Variants in DACH1 observed in about 807,000 individuals in gnomAD.
DACH1 encodes the protein dachshund homolog 1.
Under a neutral mutation model 54.2 loss-of-function variants are expected in DACH1, and 12 were observed. The observed-to-expected ratio is 0.22, with a 90% CI of 0.14 to 0.36. The LOEUF is 0.36. Ranked by LOEUF, DACH1 falls within the 10% of genes least tolerant of loss-of-function variation. The pLI is 1.00. For synonymous variants in DACH1, 386 were observed against 366.2 expected (o/e 1.05, Z -0.62); for missense variants, 805 against 929.8 (o/e 0.87, Z 1.75).
At chr13:71,553,584 GTATTTTTA>G (rs1437172063) in intron 6 of DACH1, among the ~76,000 whole-genome samples, 1 of 142,986 alleles carries the variant, frequency 7.0e-6, no homozygotes, top group Non-Finnish European at 1.5e-5. Context: ...TTTGCATTTT[GTATTTTTA>G]TATTTTTGTA....
intron 1 of DACH1, among the ~76,000 whole-genome samples, chr13:71,839,034 G>A (rs547072673): frequency 6.6e-6 from 1 of 152,002 alleles, no homozygotes; most frequent in Non-Finnish European, 1.5e-5. Context: ...GTATTTCTTC[G>A]AGTCACAATC....
At chr13:71,780,184 A>C (rs748956742) in intron 1 of DACH1, among the ~76,000 whole-genome samples, 12 of 152,168 alleles carry the variant, frequency 7.9e-5, no homozygotes, top group Non-Finnish European at 1.5e-4. Context: ...AGAACGGGAG[A>C]GGCTTCCAGA....
rs532876711 is a variant in DACH1 at position 71,781,572 on chromosome 13, G to T, written c.848+84350C>A. ...TTTTTCTATTTTTAGTAGAGACGGGGTTTCACCGTGTTAGCCAGGATGGTC... is the reference window on the plus strand; with the variant it reads ...TTTTTCTATTTTTAGTAGAGACGGGTTTTCACCGTGTTAGCCAGGATGGTC... On this transcript the variant is annotated intron_variant, in intron 1 of 10. Transcript: ENST00000613252. Among the ~76,000 whole-genome samples, 54 of 151,918 alleles carry T rather than the reference G, an allele frequency of 3.6e-4. 1 individual carries two copies. In the East Asian group the frequency reaches 0.01, roughly 29 times the overall value.
intron 2 of DACH1, among the ~76,000 whole-genome samples, chr13:71,655,043 C>A (rs978827331): frequency 2.6e-5 from 4 of 152,190 alleles, no homozygotes; most frequent in African/African-American, 4.8e-5. Context: ...CAGAGAAAAG[C>A]TGAAGATGTA....
At chr13:71,836,395 C>T (rs556887197) in intron 1 of DACH1, among the ~76,000 whole-genome samples, 88 of 152,070 alleles carry the variant, frequency 5.8e-4, no homozygotes, top group African/African-American at 1.1e-3. Context: ...CACTTTTAGA[C>T]GAGTAAGCTA....
chr13:71,599,037 G>T (rs536087007), intron 3 of DACH1, among the ~76,000 whole-genome samples: 1 of 152,014 alleles, frequency 6.6e-6, no homozygotes, highest in Admixed American at 6.6e-5. Flanking sequence ...TAAGGGTATA[G>T]CTCTAAACAT....
chr13:71,621,748 G>T (rs1457014964), intron 3 of DACH1, among the ~76,000 whole-genome samples: 1 of 152,050 alleles, frequency 6.6e-6, no homozygotes, highest in East Asian at 1.9e-4. Flanking sequence ...GGCATGGTCT[G>T]CGAGGCACTG....
intron 1 of DACH1, among the ~76,000 whole-genome samples, chr13:71,772,740 A>G (rs180726859): frequency 1.3e-5 from 2 of 151,874 alleles, no homozygotes; most frequent in African/African-American, 4.8e-5. Context: ...TTTGTCTAGT[A>G]TTTCCATGAA....
chr13:71,589,198 T>C (rs1253027302), intron 3 of DACH1, among the ~76,000 whole-genome samples: 1 of 151,986 alleles, frequency 6.6e-6, no homozygotes, highest in Non-Finnish European at 1.5e-5. Context: ...TCTGCAAACA[T>C]AACTGCCATT....
rs117943588 is a variant in DACH1, at chr13:71,454,134, T to C, written c.2084-13442A>G. ...AATCAATAGAATGTTTGCCCTGAAA[T>C]GAAGCCTGGAGAAAGCAGTTAATCA... On this transcript the variant is annotated intron_variant, in intron 10 of 10. Transcript: ENST00000613252. 4.5e-3 allele frequency among the ~76,000 whole-genome samples: 685 copies of C among 152,282 alleles called. 4 individuals carry two copies. The highest frequency in any genetic ancestry group is 7.7e-3 in the Non-Finnish European group (522 of 68,010).
At chr13:71,790,905 G>T (rs1196759591) in intron 1 of DACH1, among the ~76,000 whole-genome samples, 1 of 152,132 alleles carries the variant, frequency 6.6e-6, no homozygotes, top group Non-Finnish European at 1.5e-5. Context: ...AGTTCATAGA[G>T]CCCCCCGGTA....
At chr13:71,571,957 G>T (rs571950221) in intron 4 of DACH1, among the ~76,000 whole-genome samples, 1 of 152,000 alleles carries the variant, frequency 6.6e-6, no homozygotes, top group African/African-American at 2.4e-5. Context: ...GGATGGTCTC[G>T]ATCTTCTGAC....
At chr13:71,862,694 C>G (rs1301647556) in intron 1 of DACH1, among the ~76,000 whole-genome samples, 1 of 151,874 alleles carries the variant, frequency 6.6e-6, no homozygotes, top group East Asian at 1.9e-4. Flanking sequence ...TAGCCCTAAG[C>G]AAATTAAAAC....
intron 3 of DACH1, among the ~76,000 whole-genome samples, chr13:71,593,152 T>C (rs1459297145): frequency 6.6e-6 from 1 of 152,156 alleles, no homozygotes; most frequent in Non-Finnish European, 1.5e-5. Flanking sequence ...GGGGATTTAT[T>C]TTTAATTTTA....
At chr13:71,556,772 G>C (rs1201228997) in intron 6 of DACH1, among the ~76,000 whole-genome samples, 1 of 151,804 alleles carries the variant, frequency 6.6e-6, no homozygotes, top group African/African-American at 2.4e-5. Flanking sequence ...TAACAATTGG[G>C]ACTTTTTTTT....
intron 1 of DACH1, among the ~76,000 whole-genome samples, chr13:71,843,243 T>C (rs1463261829): frequency 1.3e-5 from 2 of 152,108 alleles, no homozygotes; most frequent in Non-Finnish European, 2.9e-5. Context: ...TTTTAAGTTA[T>C]TTTTAAATGT....
intron 10 of DACH1, among the ~76,000 whole-genome samples, chr13:71,447,731 G>T (rs1874598469): frequency 6.6e-6 from 1 of 151,742 alleles, no homozygotes. Flanking sequence ...TACTTGGGAG[G>T]CTGAGGCAGG....
intron 1 of DACH1, among the ~76,000 whole-genome samples, chr13:71,777,204 G>C (rs772554401): frequency 2.0e-5 from 3 of 147,718 alleles, no homozygotes; most frequent in Non-Finnish European, 1.5e-5. Flanking sequence ...GTACGGTATA[G>C]CCTTAAAGAG....
intron 3 of DACH1, among the ~76,000 whole-genome samples, chr13:71,596,624 C>T (rs1399213396): frequency 6.6e-6 from 1 of 152,136 alleles, no homozygotes; most frequent in African/African-American, 2.4e-5. Context: ...GCCTAACCCT[C>T]AAATAGTTAA....
Sources: gnomAD v4.1 joint callset for allele counts (sites outside exome capture counted in the v4.1 genomes callset) on GRCh38, gnomAD v4.1.1 for gene constraint, MANE v1.5 for transcripts, NCBI Gene and HGNC (gene_info 2026-07-23, HGNC 2026-07-21) for gene names.